WDR49: variants seen among roughly 807,000 people sequenced by gnomAD.
WDR49 encodes the protein cilia- and flagella-associated protein 337.
WDR49 carries 107 observed loss-of-function variants against 119.5 expected under a neutral mutation model. The observed-to-expected ratio is 0.90, with a 90% CI of 0.77 to 1.05. The LOEUF (loss-of-function observed/expected upper bound fraction) is 1.05. Ranked by LOEUF, WDR49 falls within the 50% of genes least tolerant of loss-of-function variation. WDR49 has a pLI of 0.00. For missense variants in WDR49, 1,240 were observed against 1,220.5 expected (o/e 1.02, Z -0.24); for synonymous variants, 425 against 418.8 (o/e 1.01, Z -0.18).
chr3:167,527,332 C>T (rs1055981644), intron 15 of WDR49, among the ~76,000 whole-genome samples: 3 of 152,020 alleles, frequency 2.0e-5, no homozygotes, highest in East Asian at 1.9e-4. Context: ...AGAACAGTAC[C>T]CCACGTACAC....
At chr3:167,622,086 C>T (rs1716899899) in intron 3 of WDR49, among the ~76,000 whole-genome samples, 1 of 152,050 alleles carries the variant, frequency 6.6e-6, no homozygotes, top group African/African-American at 2.4e-5. Context: ...ACCCTAAAGG[C>T]TATTTTACAA....
At chr3:167,628,676 A>T (rs1184620505) in intron 2 of WDR49, among the ~76,000 whole-genome samples, 2 of 152,164 alleles carry the variant, frequency 1.3e-5, no homozygotes, top group Non-Finnish European at 2.9e-5. Flanking sequence ...GTGCAACATG[A>T]AGCAGAAACT....
intron 2 of WDR49, among the ~76,000 whole-genome samples, chr3:167,647,691 T>G (rs1718187871): frequency 6.6e-6 from 1 of 152,174 alleles, no homozygotes; most frequent in South Asian, 2.1e-4. Context: ...ACCTGCTGTC[T>G]TTGTTCAGCA....
chr3:167,623,364 G>A (rs777896663), intron 3 of WDR49, among the ~76,000 whole-genome samples: 9 of 151,964 alleles, frequency 5.9e-5, no homozygotes, highest in Non-Finnish European at 1.0e-4. Flanking sequence ...TTTATCCCAG[G>A]AATGCAAGGT....
intron 18 of WDR49, among the ~76,000 whole-genome samples, chr3:167,482,904 C>A (rs1438311581): frequency 6.6e-6 from 1 of 152,014 alleles, no homozygotes; most frequent in East Asian, 1.9e-4. Context: ...TATGATAAAT[C>A]AGAGACAAAG....
chr3:167,616,821 C>T (rs944386533), intron 5 of WDR49, among the ~76,000 whole-genome samples: 2 of 151,908 alleles, frequency 1.3e-5, no homozygotes, highest in African/African-American at 2.4e-5. Flanking sequence ...TTAAAATCAG[C>T]GATAAAGAGA....
At chr3:167,595,952 A>G (rs1715405709) in intron 7 of WDR49, among the ~76,000 whole-genome samples, 1 of 147,240 alleles carries the variant, frequency 6.8e-6, no homozygotes, top group Non-Finnish European at 1.5e-5. Context: ...ATGGGAGAAA[A>G]TTTTCGCAAC....
chr3:167,566,779 A>G, intron 8 of WDR49: 2 of 593,810 alleles, frequency 3.4e-6, no homozygotes, highest in Non-Finnish European at 6.0e-6. Context: ...AGTAAGCTAG[A>G]GAAAAGAAAA....
At chr3:167,497,927 C>T (rs1751421008) in intron 18 of WDR49, among the ~76,000 whole-genome samples, 1 of 150,286 alleles carries the variant, frequency 6.7e-6, no homozygotes, top group African/African-American at 2.5e-5. Flanking sequence ...TTTCGGCCTC[C>T]ACCTTCCGAG....
At chr3:167,596,979 A>G (rs889586463) in intron 7 of WDR49, among the ~76,000 whole-genome samples, 1 of 151,120 alleles carries the variant, frequency 6.6e-6, no homozygotes, top group Non-Finnish European at 1.5e-5. Context: ...AGAAAAACCC[A>G]TTTTTTAGGG....
At position 167,608,662 on chromosome 3, in the gene WDR49, G is replaced by T. The variant is rs572850056; in HGVS notation, c.959-4194C>A. Among the ~76,000 whole-genome samples the T allele has an allele frequency of 4.6e-5, 7 of 152,196 alleles. No homozygotes were observed. The South Asian group carries it at 1.2e-3, about 27-fold the overall frequency. ...ATCAAATTATCTGATAAATAAAAAT[G>T]TTTTTCTCATTTCTTGAATTGAGGT... On this transcript the variant is annotated intron_variant, in intron 5 of 18. Coordinates refer to ENST00000682715, the MANE Select transcript of WDR49 (RefSeq NM_001366157.1).
chr3:167,634,242 T>C (rs77096237), intron 2 of WDR49, among the ~76,000 whole-genome samples: 3,534 of 152,048 alleles, frequency 0.023, 129 homozygotes, highest in African/African-American at 0.081. Context: ...ACTCCTCTTC[T>C]AATAAAGGTG....
intron 18 of WDR49, among the ~76,000 whole-genome samples, chr3:167,495,186 A>T (rs1483856186): frequency 6.6e-6 from 1 of 152,152 alleles, no homozygotes; most frequent in Non-Finnish European, 1.5e-5. Flanking sequence ...AGACCCAGGG[A>T]TTATCCAGAT....
chr3:167,531,731 T>C (rs983318798), intron 12 of WDR49, among the ~76,000 whole-genome samples: 1 of 152,182 alleles, frequency 6.6e-6, no homozygotes, highest in South Asian at 2.1e-4. Flanking sequence ...CGAGTTACTC[T>C]GGAGAAAACA....
At position 167,522,400 on chromosome 3, in the gene WDR49, A is replaced by G. The variant is rs758495507; in HGVS notation, c.2689T>C (p.Ser897Pro). The G allele has an allele frequency of 2.5e-6, 4 of 1,611,276 alleles. No homozygotes were observed. The African/African-American group carries it at 5.4e-5, about 22-fold the overall frequency. The change falls in exon 16 of 19, where the codon TCT becomes CCT. Residue 897 changes from serine (S) to proline (P), a missense_variant. Ser to Pro is a moderately conservative substitution (Grantham distance 74, BLOSUM62 -1). Transcript: ENST00000682715. ...CAAGATTCCTCCTTAGAAAATAAAG[A>G]AATTTCCTTTTGAATCTCACTTTCC... ...LVESEIQKEI[S>P]LFSKEESCLD... is the part of the protein sequence containing the mutation.
intron 7 of WDR49, among the ~76,000 whole-genome samples, chr3:167,592,442 T>TC (rs1267379425): frequency 1.3e-5 from 2 of 150,062 alleles, no homozygotes; most frequent in Non-Finnish European, 3.0e-5. Context: ...TTTTTCTTTT[T>TC]TTTTTTTTTT....
intron 8 of WDR49, among the ~76,000 whole-genome samples, chr3:167,572,471 A>C (rs556917816): frequency 6.6e-6 from 1 of 152,358 alleles, no homozygotes; most frequent in East Asian, 1.9e-4. Context: ...ATTAAATTCA[A>C]GCAAAGGGAA....
At chr3:167,570,681 T>C (rs1175757068) in intron 8 of WDR49, among the ~76,000 whole-genome samples, 2 of 152,182 alleles carry the variant, frequency 1.3e-5, no homozygotes, top group African/African-American at 2.4e-5. Context: ...GGAAAGTTTT[T>C]TAGTGTTTAC....
At chr3:167,556,003 T>A (rs930146110) in intron 9 of WDR49, among the ~76,000 whole-genome samples, 1 of 152,190 alleles carries the variant, frequency 6.6e-6, no homozygotes, top group Non-Finnish European at 1.5e-5. Flanking sequence ...TGGTAAGTAT[T>A]TGCGTATCTA....
Sources: gnomAD v4.1 joint callset for allele counts (sites outside exome capture counted in the v4.1 genomes callset) on GRCh38, gnomAD v4.1.1 for gene constraint, MANE v1.5 for transcripts, NCBI Gene and HGNC (gene_info 2026-07-23, HGNC 2026-07-21) for gene names.